Variants in HMX1 observed in about 807,000 individuals in gnomAD.
HMX1 encodes the protein homeobox protein HMX1.
A neutral mutation model predicts 8.9 loss-of-function variants in HMX1; 8 were observed. The observed-to-expected ratio is 0.90, with a 90% CI of 0.53 to 1.63. The LOEUF is 1.63. Ranked by LOEUF, HMX1 falls within the 40% of genes most tolerant of loss-of-function variation. HMX1 has a pLI of 0.00. For synonymous variants in HMX1, 311 were observed against 283.4 expected, an observed-to-expected ratio of 1.10 and a Z score of -0.98; for missense variants, 621 against 558.5, an observed-to-expected ratio of 1.11 and a Z score of -1.13.
intron 1 of HMX1, among the ~76,000 whole-genome samples, chr4:8,851,036 A>G (rs1318689684): frequency 1.3e-5 from 2 of 152,246 alleles, no homozygotes; most frequent in Non-Finnish European, 2.9e-5. Context: ...GACACTCTCC[A>G]GGCTTCTGGA....
rs1454007032 is a variant in HMX1 at position 8,847,907 on chromosome 4, C to T, written c.395-1583G>A. ...CTGAGAGCCAGTGGATTAAGTTGAA[C>T]TGGAATCAACGAGCCCCCTATACTC... On this transcript the variant is annotated intron_variant, in intron 1 of 1. Transcript: ENST00000506970. This position sits in a 1 kb window ranked among gnomAD's most constrained non-coding sequence, Gnocchi z 6.0. 4.6e-5 allele frequency among the ~76,000 whole-genome samples: 7 copies of T among 152,164 alleles called. No homozygotes were observed. The East Asian group carries it at 1.4e-3, about 29-fold the overall frequency.
chr4:8,862,015 C>T (rs570984405), intron 1 of HMX1, among the ~76,000 whole-genome samples: 23 of 152,346 alleles, frequency 1.5e-4, no homozygotes, highest in African/African-American at 5.3e-4. Context: ...CTTGTCCGTC[C>T]TCCCTGATAT....
At chr4:8,851,417 A>G (rs919116563) in intron 1 of HMX1, among the ~76,000 whole-genome samples, 1 of 152,140 alleles carries the variant, frequency 6.6e-6, no homozygotes, top group Non-Finnish European at 1.5e-5. Flanking sequence ...CGGGTGTACA[A>G]TGCACCCCAA....
At position 8,867,747 on chromosome 4, in the gene HMX1, GA is replaced by G; in HGVS notation, c.992del (p.Phe331SerfsTer79). The G allele has an allele frequency of 1.5e-6, 2 of 1,290,580 alleles. No homozygotes were observed. The highest frequency in any genetic ancestry group is 2.0e-6 in the Non-Finnish European group (2 of 1,022,608). 79.9% of individuals were successfully genotyped at this position (1,290,580 alleles called of 1,614,324 possible). A position where few individuals can be genotyped will look rare whatever the true frequency, so the allele number is the denominator to read the frequency against. On this transcript the variant is annotated frameshift_variant, in exon 2 of 2. Transcript: ENST00000400677. LOFTEE classifies it low-confidence loss of function (END_TRUNC). ...SGALAYPLAA[F>X]PAAASVPFLR... ...GAAAGGGCACGGAGGCGGCGGCCGG[GA>G]AGGCGGCCAGCGGGTAGGCGAGGGC...
downstream of HMX1, among the ~76,000 whole-genome samples, chr4:8,863,376 C>T (rs552549829): frequency 6.0e-4 from 92 of 152,342 alleles, 3 homozygotes; most frequent in Admixed American, 6.0e-3. Context: ...CACCCGGCCT[C>T]TCCCGCCTCC....
At chr4:8,856,199 C>G (rs1435904939) in intron 1 of HMX1, among the ~76,000 whole-genome samples, 1 of 152,128 alleles carries the variant, frequency 6.6e-6, no homozygotes. Context: ...AGTGAACTTC[C>G]CACCTTCCAG....
Position 8,867,274 on chromosome 4 carries a change from T to TTGGGGGCAGTCTG in HMX1, c.*406_*418dup. 1 of 986,850 alleles carries TTGGGGGCAGTCTG rather than the reference T, an allele frequency of 1.0e-6. No individual in the cohort carries two copies. The highest frequency in any genetic ancestry group is 1.2e-6 in the Non-Finnish European group (1 of 830,948). The allele number at this position is 986,850 out of a possible 1,614,324, so 61.1% of individuals were successfully genotyped here. On this transcript the variant is annotated 3_prime_UTR_variant, in exon 2 of 2. Transcript: ENST00000400677. ...GGTCCCAGGAAAGGGACGTTTAGTG[T>TTGGGGGCAGTCTG]TGGGGGCAGTCTGTGGGGACAGTCA...
chr4:8,861,484 G>A (rs1452708550), intron 1 of HMX1, among the ~76,000 whole-genome samples: 3 of 152,224 alleles, frequency 2.0e-5, no homozygotes, highest in Non-Finnish European at 4.4e-5. Flanking sequence ...GGGAACGACG[G>A]GGGAGCCTCG....
intron 1 of HMX1, among the ~76,000 whole-genome samples, chr4:8,869,685 T>G (rs1005261749): frequency 1.3e-5 from 2 of 151,966 alleles, no homozygotes; most frequent in African/African-American, 4.8e-5. Flanking sequence ...TGGTGCATGC[T>G]ACTAGATCTG....
intron 1 of HMX1, among the ~76,000 whole-genome samples, chr4:8,850,736 C>T (rs1393668063): frequency 1.3e-5 from 2 of 152,262 alleles, no homozygotes; most frequent in Non-Finnish European, 2.9e-5. Context: ...CTGCCCTTCC[C>T]CGCGGGTGGG....
chr4:8,869,794 C>T (rs978861312), intron 1 of HMX1, among the ~76,000 whole-genome samples: 1 of 152,164 alleles, frequency 6.6e-6, no homozygotes, highest in African/African-American at 2.4e-5. Context: ...GGAAGTGGGA[C>T]CCTAACCCGC....
In HMX1 at chr4:8,871,358, A is replaced by T; in HGVS notation, c.257T>A (p.Leu86Gln). ...GPGGEARARA[L>Q]LGPGALGLGP... ...GAGGCCCAGCGCGCCCGGCCCGAGC[A>T]GCGCACGGGCCCGCGCCTCCCCGCC... The change falls in exon 1 of 2, where the codon CTG becomes CAG. Residue 86 changes from leucine (L) to glutamine (Q), a missense_variant. Transcript: ENST00000400677. This position sits in a 1 kb window ranked among gnomAD's most constrained non-coding sequence, Gnocchi z 4.8. 8.2e-7 allele frequency: 1 copy of T among 1,219,696 alleles called. No individual in the cohort carries two copies. Among genetic ancestry groups the T allele is most frequent in the Non-Finnish European group, 1.0e-6 (1 of 981,788 alleles). 75.6% of individuals were successfully genotyped at this position (1,219,696 alleles called of 1,614,324 possible).
chr4:8,860,950 C>CGGGCGGGGGCGGGGGCGA (rs1553815959), intron 1 of HMX1: 8 of 91,504 alleles, frequency 8.7e-5, no homozygotes, highest in East Asian at 3.9e-4. Context: ...CCAGGTGAGC[C>CGGGCGGGGGCGGGGGCGA]GGGCGGGGGC....
chr4:8,867,903 C>G lies in HMX1; in HGVS notation c.837G>C (p.Leu279=). ...ASLSPPGAQR[L]VRVPVLYHES... ...CGTGGTAGAGCACCGGCACGCGGAC[C>G]AGGCGCTGCGCTCCCGGCGGGGACA... The change falls in exon 2 of 2, where the codon CTG becomes CTC. Residue 279 remains leucine, a synonymous_variant. Coordinates refer to ENST00000400677, the MANE Select transcript of HMX1 (RefSeq NM_018942.3). 7.1e-7 allele frequency: 1 copy of G among 1,403,096 alleles called. No individual in the cohort carries two copies. The highest frequency in any genetic ancestry group is 1.5e-5 in the South Asian group (1 of 66,412). 86.9% of individuals were successfully genotyped at this position (1,403,096 alleles called of 1,614,324 possible). A position where few individuals can be genotyped will look rare whatever the true frequency, so the allele number is the denominator to read the frequency against.
chr4:8,851,669 A>G (rs1721452392), intron 1 of HMX1, among the ~76,000 whole-genome samples: 1 of 152,216 alleles, frequency 6.6e-6, no homozygotes, highest in Admixed American at 6.5e-5. Flanking sequence ...CGGTCGTCTC[A>G]GGCATGAATC....
Position 8,871,126 on chromosome 4 carries a change from GAA to G in HMX1, c.394+93_394+94del. 8.3e-7 allele frequency: 1 copy of G among 1,208,388 alleles called. No homozygotes were observed. Among genetic ancestry groups the G allele is most frequent in the Non-Finnish European group, 1.1e-6 (1 of 951,502 alleles). 74.9% of individuals were successfully genotyped at this position (1,208,388 alleles called of 1,614,324 possible). A position where few individuals can be genotyped will look rare whatever the true frequency, so the allele number is the denominator to read the frequency against. On this transcript the variant is annotated intron_variant, in intron 1 of 1. Transcript: ENST00000400677. This position sits in a 1 kb window ranked among gnomAD's most constrained non-coding sequence, Gnocchi z 4.8. ...TCCACAGAAGGGAGAGGATGGCCCA[GAA>G]CGGGCGGCGACGAGCCCGAAGTCCC...
At chr4:8,851,387 G>T (rs1721444603) in intron 1 of HMX1, among the ~76,000 whole-genome samples, 1 of 152,154 alleles carries the variant, frequency 6.6e-6, no homozygotes, top group African/African-American at 2.4e-5. Context: ...CATTCTCACA[G>T]CTTCCCTCCA....
intron 1 of HMX1, among the ~76,000 whole-genome samples, chr4:8,858,022 T>C (rs1158976425): frequency 2.6e-5 from 4 of 151,616 alleles, no homozygotes; most frequent in Admixed American, 6.6e-5. Flanking sequence ...AAGCATCAGC[T>C]AAGCCATTAG....
At chr4:8,855,194 C>T (rs940912156) in intron 1 of HMX1, among the ~76,000 whole-genome samples, 3 of 152,244 alleles carry the variant, frequency 2.0e-5, no homozygotes, top group Admixed American at 6.5e-5. Context: ...GGAAGACCCA[C>T]GCTGTTAGAT....
Sources: allele counts gnomAD v4.1 joint callset (sites outside exome capture counted in the v4.1 genomes callset), GRCh38; gene constraint gnomAD v4.1.1; non-coding constraint Gnocchi (gnomAD v3.1); transcripts MANE v1.5; gene names NCBI Gene and HGNC (gene_info 2026-07-23, HGNC 2026-07-21).